SNRPN: variants seen among roughly 807,000 people sequenced by gnomAD.
SNRPN encodes the protein small nuclear ribonucleoprotein-associated protein N.
SNRPN carries 7 observed loss-of-function variants against 25.2 expected under a neutral mutation model. The ratio of observed to expected loss-of-function variants is 0.28; its 90% CI spans 0.16 to 0.52. SNRPN has a LOEUF of 0.52. Among genes scored for constraint, SNRPN ranks in the 20% least tolerant of loss-of-function variants. SNRPN has a pLI of 0.96. For synonymous variants in SNRPN, 124 were observed against 110.6 expected, an observed-to-expected ratio of 1.12 and a Z score of -0.76; for missense variants, 196 against 322.5, an observed-to-expected ratio of 0.61 and a Z score of 3.00.
intron 1 of SNRPN, among the ~76,000 whole-genome samples, chr15:24,961,107 C>T (rs528074038): frequency 6.6e-6 from 1 of 152,138 alleles, no homozygotes; most frequent in African/African-American, 2.4e-5. Flanking sequence ...ATTTTTTATA[C>T]TGCTTGTAAT....
chr15:24,941,995 G>T (rs1370187620), intron 3 of SNRPN, among the ~76,000 whole-genome samples: 2 of 152,060 alleles, frequency 1.3e-5, no homozygotes, highest in Non-Finnish European at 2.9e-5. Flanking sequence ...GGCCAGGCTG[G>T]TCTTGAACTC....
intron 3 of SNRPN, among the ~76,000 whole-genome samples, chr15:24,972,493 A>G (rs1424079024): frequency 6.6e-6 from 1 of 151,320 alleles, no homozygotes; most frequent in Non-Finnish European, 1.5e-5. Context: ...TTTAATGTAC[A>G]GACATCAGAT....
intron 1 of SNRPN, among the ~76,000 whole-genome samples, chr15:24,885,570 A>G (rs942341753): frequency 4.6e-5 from 7 of 152,038 alleles, no homozygotes; most frequent in African/African-American, 1.4e-4. Flanking sequence ...CTATTTTGCT[A>G]CTCTCTGTTT....
At chr15:24,883,291 T>C (rs934496961) in intron 1 of SNRPN, among the ~76,000 whole-genome samples, 14 of 152,236 alleles carry the variant, frequency 9.2e-5, no homozygotes, top group African/African-American at 3.4e-4. Flanking sequence ...ATGTGCCCAC[T>C]TAGCACACAC....
At chr15:24,974,894 C>A (rs1330626524) in intron 4 of SNRPN, 1 of 702,470 alleles carries the variant, frequency 1.4e-6, no homozygotes, top group Admixed American at 2.0e-5. Flanking sequence ...TGAGAAAATA[C>A]AGGAGTTTTT....
chr15:24,851,904 G>T (rs1327538105), upstream of SNRPN: 2 of 152,150 alleles, frequency 1.3e-5, no homozygotes, highest in East Asian at 1.9e-4. Context: ...CTGAATGCAG[G>T]TTCCTTTCCC....
upstream of SNRPN, among the ~76,000 whole-genome samples, chr15:24,854,830 A>G (rs1396833806): frequency 6.6e-6 from 1 of 152,022 alleles, no homozygotes; most frequent in Non-Finnish European, 1.5e-5. Flanking sequence ...GTGAAACCCC[A>G]TCTCTACTAA....
At chr15:24,827,134 C>T (rs762523625) in intron 1 of SNRPN, among the ~76,000 whole-genome samples, 6 of 151,902 alleles carry the variant, frequency 3.9e-5, no homozygotes, top group Non-Finnish European at 8.8e-5. Context: ...TTTGCAGGAC[C>T]GGAAGTTCAT....
intron 1 of SNRPN, among the ~76,000 whole-genome samples, chr15:24,866,997 T>A (rs1220103797): frequency 1.3e-5 from 2 of 152,154 alleles, no homozygotes; most frequent in African/African-American, 2.4e-5. Context: ...CATTGAGGAG[T>A]GTTGAAGTCA....
At chr15:24,894,446 C>T (rs2057933457) in intron 2 of SNRPN, among the ~76,000 whole-genome samples, 1 of 152,156 alleles carries the variant, frequency 6.6e-6, no homozygotes, top group African/African-American at 2.4e-5. Context: ...GTCTTGATCT[C>T]CTGACCTCGT....
At chr15:24,906,604 G>T (rs1215961059) in intron 2 of SNRPN, among the ~76,000 whole-genome samples, 1 of 152,126 alleles carries the variant, frequency 6.6e-6, no homozygotes, top group Non-Finnish European at 1.5e-5. Context: ...CCTACTTTCC[G>T]GGGAGGTAGG....
At chr15:24,896,306 C>A (rs1233555181) in intron 2 of SNRPN, among the ~76,000 whole-genome samples, 1 of 152,128 alleles carries the variant, frequency 6.6e-6, no homozygotes, top group Admixed American at 6.6e-5. Flanking sequence ...GTGGGAAGAA[C>A]CTGCCAATAG....
intron 1 of SNRPN, among the ~76,000 whole-genome samples, chr15:24,864,852 G>A (rs2054414997): frequency 6.6e-6 from 1 of 151,996 alleles, no homozygotes; most frequent in Non-Finnish European, 1.5e-5. Context: ...TACCAGTTAT[G>A]TGCCTTTTAT....
chr15:24,861,912 T>G (rs893281740), intron 1 of SNRPN, among the ~76,000 whole-genome samples: 1 of 143,618 alleles, frequency 7.0e-6, no homozygotes, highest in African/African-American at 2.9e-5. Flanking sequence ...CAGACTTTAA[T>G]GCAGAATCTT....
At chr15:24,910,199 A>G (rs1044833221) in intron 2 of SNRPN, among the ~76,000 whole-genome samples, 1 of 152,186 alleles carries the variant, frequency 6.6e-6, no homozygotes, top group African/African-American at 2.4e-5. Context: ...GTAGAATGTA[A>G]GAGCGATGAA....
intron 1 of SNRPN, among the ~76,000 whole-genome samples, chr15:24,866,870 T>C (rs2054617510): frequency 6.6e-6 from 1 of 150,968 alleles, no homozygotes; most frequent in African/African-American, 2.5e-5. Flanking sequence ...AGGATTTCCT[T>C]TTTATATGCC....
chr15:24,889,451 T>C lies in SNRPN; in HGVS notation c.-505+2862T>C, dbSNP rs554789999. Among the ~76,000 whole-genome samples, 807 of 151,732 alleles carry C rather than the reference T, an allele frequency of 5.3e-3. 2 individuals carry two copies. The highest frequency in any genetic ancestry group is 8.2e-3 in the Non-Finnish European group (559 of 67,936). On this transcript the variant is annotated intron_variant, in intron 2 of 11. Transcript: ENST00000400097. ...CTGAGTAGCTGGGACTACAGGCGCC[T>C]GCCACCACGCCCAGCTAATTTTTTT...
intron 1 of SNRPN, among the ~76,000 whole-genome samples, chr15:24,879,712 C>T (rs541385577): frequency 6.6e-6 from 1 of 152,058 alleles, no homozygotes. Flanking sequence ...AGCATGTTTG[C>T]TTTCTTTTTT....
intron 2 of SNRPN, among the ~76,000 whole-genome samples, chr15:24,837,417 G>C (rs1231633824): frequency 6.6e-6 from 1 of 151,516 alleles, no homozygotes; most frequent in Non-Finnish European, 1.5e-5. Flanking sequence ...GCCCAGGCTG[G>C]AGTGCAGTGG....
Sources: allele counts gnomAD v4.1 joint callset (sites outside exome capture counted in the v4.1 genomes callset), GRCh38; gene constraint gnomAD v4.1.1; transcripts MANE v1.5; gene names NCBI Gene and HGNC (gene_info 2026-07-23, HGNC 2026-07-21).